Variants in TSHZ2 observed in about 807,000 individuals in gnomAD.
TSHZ2 encodes teashirt homolog 2.
Under a neutral mutation model 74.4 loss-of-function variants are expected in TSHZ2, and 21 were observed. The observed-to-expected ratio is 0.28, with a 90% CI of 0.20 to 0.41. The LOEUF (loss-of-function observed/expected upper bound fraction) is 0.41, where lower values mean the gene tolerates loss of function less well. Among genes scored for constraint, TSHZ2 ranks in the 10% least tolerant of loss-of-function variants. The probability of loss-of-function intolerance (pLI) is 1.00; values close to 1 mark genes in which losing one functional copy is unlikely to be tolerated. For missense variants in TSHZ2, 1,244 were observed against 1,293.5 expected (o/e 0.96, Z 0.59); for synonymous variants, 540 against 515.3 (o/e 1.05, Z -0.65).
intron 1 of TSHZ2, among the ~76,000 whole-genome samples, chr20:53,204,685 GT>G (rs1283845379): frequency 6.6e-6 from 1 of 152,060 alleles, no homozygotes; most frequent in Non-Finnish European, 1.5e-5. Flanking sequence ...ACTGTATGAA[GT>G]TTTTTGTGCT....
At chr20:52,985,135 C>T (rs542611839) in intron 1 of TSHZ2, among the ~76,000 whole-genome samples, 7 of 152,238 alleles carry the variant, frequency 4.6e-5, no homozygotes, top group African/African-American at 1.4e-4. Context: ...TTCTCCACCC[C>T]CATTAGACAA....
intron 1 of TSHZ2, among the ~76,000 whole-genome samples, chr20:53,131,833 C>CA (rs1987110737): frequency 3.1e-5 from 2 of 64,164 alleles, no homozygotes; most frequent in African/African-American, 1.4e-4. Flanking sequence ...CCCCCCCCCC[C>CA]CAAAAAAAAA....
chr20:53,014,426 C>T (rs985904811), intron 1 of TSHZ2, among the ~76,000 whole-genome samples: 2 of 152,166 alleles, frequency 1.3e-5, no homozygotes, highest in African/African-American at 4.8e-5. Context: ...AAATTCCCTA[C>T]ATGTGAAGAA....
chr20:53,479,772 C>T (rs143827964), intron 2 of TSHZ2, among the ~76,000 whole-genome samples: 36 of 152,286 alleles, frequency 2.4e-4, no homozygotes, highest in African/African-American at 7.2e-4. Flanking sequence ...CTTCAGTTGT[C>T]ACAACTCAGG....
intron 1 of TSHZ2, among the ~76,000 whole-genome samples, chr20:53,054,341 G>A (rs756669714): frequency 1.3e-5 from 2 of 152,216 alleles, no homozygotes; most frequent in East Asian, 1.9e-4. Flanking sequence ...TGGCAGCTTC[G>A]ATGTGTTAGA....
intron 1 of TSHZ2, among the ~76,000 whole-genome samples, chr20:53,183,250 G>A (rs1367678997): frequency 6.6e-6 from 1 of 152,238 alleles, no homozygotes; most frequent in East Asian, 1.9e-4. Context: ...TGTTTCCCTC[G>A]AGAATATTTC....
chr20:53,054,633 C>T (rs1984579482), intron 1 of TSHZ2, among the ~76,000 whole-genome samples: 1 of 152,060 alleles, frequency 6.6e-6, no homozygotes, highest in Non-Finnish European at 1.5e-5. Flanking sequence ...TCTTTGCCGC[C>T]CTAGGAGGGG....
At chr20:53,469,316 A>G (rs1370800515) in intron 2 of TSHZ2, among the ~76,000 whole-genome samples, 3 of 151,432 alleles carry the variant, frequency 2.0e-5, no homozygotes, top group Non-Finnish European at 4.4e-5. Context: ...GGCTGAGGTG[A>G]GTGGATCACT....
chr20:53,346,414 C>T (rs564402509), intron 2 of TSHZ2, among the ~76,000 whole-genome samples: 2 of 152,264 alleles, frequency 1.3e-5, no homozygotes, highest in East Asian at 1.9e-4. Context: ...CTGAACTTGC[C>T]GGCTGGAATG....
At chr20:53,140,561 AAAAG>A (rs1987370808) in intron 1 of TSHZ2, among the ~76,000 whole-genome samples, 1 of 147,450 alleles carries the variant, frequency 6.8e-6, no homozygotes, top group African/African-American at 2.5e-5. Context: ...AAAAAAAAAA[AAAAG>A]AGGGACAGTC....
At chr20:53,305,974 T>TGA (rs1223586305) in intron 2 of TSHZ2, among the ~76,000 whole-genome samples, 1 of 121,990 alleles carries the variant, frequency 8.2e-6, no homozygotes, top group Non-Finnish European at 1.8e-5. Context: ...CAAGACTCTG[T>TGA]GAAAAAAAAA....
intron 2 of TSHZ2, among the ~76,000 whole-genome samples, chr20:53,444,311 A>G (rs550919917): frequency 6.6e-6 from 1 of 152,168 alleles, no homozygotes; most frequent in African/African-American, 2.4e-5. Flanking sequence ...CCCTCCACAC[A>G]CGGCTCCATC....
chr20:53,367,457 T>C (rs2145615674), intron 2 of TSHZ2, among the ~76,000 whole-genome samples: 1 of 152,184 alleles, frequency 6.6e-6, no homozygotes, highest in African/African-American at 2.4e-5. Flanking sequence ...ACAACTTTAC[T>C]CTCCTGAGTC....
chr20:53,047,349 TC>T (rs2123115407), intron 1 of TSHZ2, among the ~76,000 whole-genome samples: 1 of 152,336 alleles, frequency 6.6e-6, no homozygotes, highest in Admixed American at 6.5e-5. Context: ...AAGTACCTTC[TC>T]TTTGGTTGCT....
chr20:53,168,997 C>G (rs184198714), intron 1 of TSHZ2: 15 of 152,248 alleles, frequency 9.9e-5, no homozygotes, highest in Admixed American at 1.3e-4. Flanking sequence ...ATAGTTATGA[C>G]AGTACAGTCT....
chr20:53,099,444 CCT>C (rs1986151261), intron 1 of TSHZ2, among the ~76,000 whole-genome samples: 1 of 128,978 alleles, frequency 7.8e-6, no homozygotes, highest in South Asian at 3.1e-4. Context: ...AAAAATGGTC[CCT>C]CTCTGATCAT....
chr20:53,083,848 TAA>T (rs1254807709), intron 1 of TSHZ2, among the ~76,000 whole-genome samples: 1 of 152,112 alleles, frequency 6.6e-6, no homozygotes, highest in East Asian at 1.9e-4. Context: ...ATTTTTTTTA[TAA>T]GTTTTCTTCC....
chr20:53,244,468 A>T (rs1990153104), intron 1 of TSHZ2, among the ~76,000 whole-genome samples: 1 of 152,148 alleles, frequency 6.6e-6, no homozygotes, highest in Non-Finnish European at 1.5e-5. Context: ...GTGTAAGGAT[A>T]ATGTAAGGAT....
rs925384846 is a variant in TSHZ2 at position 53,189,067 on chromosome 20, A to C, written c.41-64432A>C. 3.3e-5 allele frequency among the ~76,000 whole-genome samples: 5 copies of C among 152,220 alleles called. No individual in the cohort carries two copies. The East Asian group carries it at 9.6e-4, about 29-fold the overall frequency. ...TCTAATAGGTCACACAAGGATTTGC[A>C]TATCATTTATTTATTGTACATGTTT... On this transcript the variant is annotated intron_variant, in intron 1 of 2. Coordinates refer to ENST00000371497, the MANE Select transcript of TSHZ2 (RefSeq NM_173485.6).
Sources: allele counts gnomAD v4.1 joint callset (sites outside exome capture counted in the v4.1 genomes callset), GRCh38; gene constraint gnomAD v4.1.1; transcripts MANE v1.5; gene names NCBI Gene and HGNC (gene_info 2026-07-23, HGNC 2026-07-21).